STRIP2: variants seen among roughly 807,000 people sequenced by gnomAD.
STRIP2 encodes the protein striatin interacting protein 2, also known as striatin-interacting protein 2.
In STRIP2, 84 loss-of-function variants were observed where a neutral mutation model predicts 107.1. That is an observed-to-expected ratio of 0.78 (90% CI 0.66 to 0.94). The LOEUF (loss-of-function observed/expected upper bound fraction) is 0.94, where lower values mean the gene tolerates loss of function less well. STRIP2 is among the 40% of genes least tolerant of loss of function. The pLI, the probability that STRIP2 is intolerant of heterozygous loss-of-function variation, is 0.00. For synonymous variants in STRIP2, 394 were observed against 400.4 expected (o/e 0.98, Z 0.19); for missense variants, 888 against 1,034.2 (o/e 0.86, Z 1.94).
At chr7:129,463,158 G>A (rs1034294694) in intron 14 of STRIP2, 118 bp downstream of exon 14, 6 of 780,908 alleles carry the variant, frequency 7.7e-6, no homozygotes, top group Admixed American at 2.6e-5. Context: ...TTGCCCCTTT[G>A]GCAAGGCATT....
At chr7:129,449,408 C>G (rs1798122732) in intron 3 of STRIP2, among the ~76,000 whole-genome samples, 1 of 152,172 alleles carries the variant, frequency 6.6e-6, no homozygotes, top group Non-Finnish European at 1.5e-5. Context: ...AGGGTAGCTT[C>G]TGAGGAGAAG....
intron 19 of STRIP2, among the ~76,000 whole-genome samples, chr7:129,482,280 A>G (rs1054125198): frequency 1.3e-5 from 2 of 151,458 alleles, no homozygotes; most frequent in Admixed American, 6.6e-5. Flanking sequence ...TTCACTTTAT[A>G]CCATATGCTT....
Position 129,487,148 on chromosome 7 carries a change from G to C in STRIP2, c.*1319G>C, listed in dbSNP as rs1296052628. The stretch of plus-strand genomic sequence containing the variant: ...CCTGCCTCAGCCTCCCAAGGAGCTG[G>C]GATTACAGGCACGCACCACCATGCC... On this transcript the variant is annotated 3_prime_UTR_variant, in exon 21 of 21. Coordinates refer to ENST00000249344, the MANE Select transcript of STRIP2 (RefSeq NM_020704.3). 2 of 151,998 alleles carry C rather than the reference G, an allele frequency of 1.3e-5. No individual in the cohort carries two copies. Among genetic ancestry groups the C allele is most frequent in the Admixed American group, 1.3e-4 (2 of 15,226 alleles). 9.4% of individuals were successfully genotyped at this position (151,998 alleles called of 1,614,324 possible). A position where few individuals can be genotyped will look rare whatever the true frequency, so the allele number is the denominator to read the frequency against.
At chr7:129,475,757 G>A (rs1165589450) in intron 18 of STRIP2, among the ~76,000 whole-genome samples, 2 of 152,008 alleles carry the variant, frequency 1.3e-5, no homozygotes, top group Admixed American at 6.6e-5. Flanking sequence ...TTAGGGAGTG[G>A]TGATGACTCT....
chr7:129,481,297 G>A (rs1306649207), intron 19 of STRIP2, among the ~76,000 whole-genome samples: 3 of 151,972 alleles, frequency 2.0e-5, no homozygotes, highest in Non-Finnish European at 4.4e-5. Context: ...AGGAGTTCGA[G>A]ACCAGCCTGA....
At chr7:129,446,198 G>A (rs1220820160) in intron 3 of STRIP2, among the ~76,000 whole-genome samples, 1 of 152,156 alleles carries the variant, frequency 6.6e-6, no homozygotes, top group Non-Finnish European at 1.5e-5. Flanking sequence ...GGGGAAAGAG[G>A]CTGATTGGTG....
chr7:129,440,142 G>A, intron 2 of STRIP2, 51 bp downstream of exon 2: 1 of 1,492,444 alleles, frequency 6.7e-7, no homozygotes, highest in East Asian at 2.3e-5. Flanking sequence ...AGGAGGAGAG[G>A]GAAGGGGCCT....
intron 18 of STRIP2, among the ~76,000 whole-genome samples, chr7:129,473,965 C>A (rs1646552146): frequency 6.6e-6 from 1 of 152,178 alleles, no homozygotes; most frequent in African/African-American, 2.4e-5. Flanking sequence ...GATCCGCCCA[C>A]CTCAGCCTCC....
chr7:129,468,334 T>C (rs1798718292), intron 17 of STRIP2, among the ~76,000 whole-genome samples: 1 of 152,180 alleles, frequency 6.6e-6, no homozygotes, highest in Admixed American at 6.5e-5. Flanking sequence ...TACTTATATG[T>C]AGCTTAAAAC....
At chr7:129,436,049 C>T (rs1797729431) in intron 1 of STRIP2, among the ~76,000 whole-genome samples, 1 of 152,132 alleles carries the variant, frequency 6.6e-6, no homozygotes, top group African/African-American at 2.4e-5. Flanking sequence ...CATCATCTCC[C>T]TCCCTACTTC....
intron 5 of STRIP2, 22 bp from the exon 6 acceptor site, chr7:129,454,120 T>A: frequency 1.9e-6 from 3 of 1,612,680 alleles, no homozygotes; most frequent in Non-Finnish European, 2.5e-6. Context: ...GCATTCCTGT[T>A]CTTTTTCTCC....
intron 5 of STRIP2, among the ~76,000 whole-genome samples, chr7:129,453,719 T>C (rs1798261855): frequency 6.6e-6 from 1 of 152,214 alleles, no homozygotes; most frequent in African/African-American, 2.4e-5. Context: ...ATTCCTGTCA[T>C]TGTGCCCAAT....
At chr7:129,446,446 C>T (rs554695654) in intron 3 of STRIP2, among the ~76,000 whole-genome samples, 80 of 152,302 alleles carry the variant, frequency 5.3e-4, no homozygotes, top group Non-Finnish European at 8.8e-4. Flanking sequence ...AGTATTTAAT[C>T]GCACATCTTA....
intron 18 of STRIP2, 42 bp downstream of exon 18, chr7:129,470,757 A>G (rs1584961913): frequency 6.4e-7 from 1 of 1,561,710 alleles, no homozygotes; most frequent in Non-Finnish European, 8.8e-7. Flanking sequence ...ATTGCTAGGT[A>G]GCACAGGTTG....
chr7:129,482,566 T>C (rs1418218453), intron 19 of STRIP2, among the ~76,000 whole-genome samples: 1 of 151,616 alleles, frequency 6.6e-6, no homozygotes, highest in East Asian at 1.9e-4. Flanking sequence ...TTAGTAGAGA[T>C]GGGGTTTCAT....
chr7:129,451,517 A>G, intron 3 of STRIP2, 96 bp from the exon 4 acceptor site: 1 of 1,433,242 alleles, frequency 7.0e-7, no homozygotes, highest in East Asian at 2.3e-5. Context: ...TAATTTTGGC[A>G]GGGGAGCTGA....
At chr7:129,463,809 C>T (rs893187200) in intron 14 of STRIP2, among the ~76,000 whole-genome samples, 8 of 152,178 alleles carry the variant, frequency 5.3e-5, no homozygotes, top group African/African-American at 1.9e-4. Flanking sequence ...AAAGAACAGT[C>T]TTGAAGCATA....
In STRIP2 at chr7:129,458,665, T is replaced by G. The variant is rs746557061; in HGVS notation, c.1275-47T>G. 2.5e-6 allele frequency: 4 copies of G among 1,608,212 alleles called. No homozygotes were observed. The highest frequency in any genetic ancestry group is 1.1e-5 in the South Asian group (1 of 90,892). On this transcript the variant is annotated intron_variant, in intron 10 of 20. Coordinates refer to ENST00000249344, the MANE Select transcript of STRIP2 (RefSeq NM_020704.3). The surrounding 1 kb of genome is among the most constrained non-coding windows in gnomAD (Gnocchi z 4.6). Reference sequence around the variant, plus strand: ...CGGAAAGTTTTTCTCTCTCAAAGTTTGCTTTTCTTCCCTTCTCTGGGATTG... The same window carrying G: ...CGGAAAGTTTTTCTCTCTCAAAGTTGGCTTTTCTTCCCTTCTCTGGGATTG...
intron 20 of STRIP2, 54 bp from the exon 21 acceptor site, chr7:129,485,523 TAA>T: frequency 1.3e-6 from 2 of 1,595,680 alleles, no homozygotes; most frequent in Non-Finnish European, 1.7e-6. Flanking sequence ...TGCTCTGTGA[TAA>T]GAGGAGCAGT....
Sources: gnomAD v4.1 joint callset for allele counts (sites outside exome capture counted in the v4.1 genomes callset) on GRCh38, gnomAD v4.1.1 for gene constraint, Gnocchi (gnomAD v3.1) non-coding constraint, MANE v1.5 for transcripts, NCBI Gene and HGNC (gene_info 2026-07-23, HGNC 2026-07-21) for gene names.